The following FAM151B variants were observed in gnomAD, a reference collection of about 807,000 sequenced individuals.
FAM151B encodes protein FAM151B.
A neutral mutation model predicts 31.2 loss-of-function variants in FAM151B; 24 were observed. The ratio of observed to expected loss-of-function variants is 0.77; its 90% CI spans 0.56 to 1.08. FAM151B has a LOEUF of 1.08. Among genes scored for constraint, FAM151B ranks in the 50% least tolerant of loss-of-function variants. The probability of loss-of-function intolerance (pLI) is 0.00; values close to 1 mark genes in which losing one functional copy is unlikely to be tolerated. For missense variants in FAM151B, 293 were observed against 328.6 expected (o/e 0.89, Z 0.84); for synonymous variants, 105 against 111.4 (o/e 0.94, Z 0.36).
chr5:80,514,962 G>A (rs964303827), intron 3 of FAM151B, among the ~76,000 whole-genome samples: 2 of 151,644 alleles, frequency 1.3e-5, no homozygotes, highest in East Asian at 1.9e-4. Context: ...TTTTTCGACC[G>A]GGCACGGTGG....
chr5:80,538,892 C>T (rs1017551413), intron 5 of FAM151B, among the ~76,000 whole-genome samples: 2 of 152,000 alleles, frequency 1.3e-5, no homozygotes, highest in Non-Finnish European at 2.9e-5. Context: ...GCCACCGTGT[C>T]TGGTCCCCCT....
intron 1 of FAM151B, chr5:80,500,830 G>A (rs1022504152): frequency 6.4e-5 from 88 of 1,381,734 alleles, no homozygotes; most frequent in Non-Finnish European, 8.5e-5. Flanking sequence ...GAAGCGAATT[G>A]CTTTAACAGA....
Position 80,513,585 on chromosome 5 carries a change from A to T in FAM151B, c.152-19A>T. On this transcript the variant is annotated intron_variant, in intron 2 of 5. Transcript: ENST00000282226. ...GCCCTGTTTTCTTAGCATTAACTGAAGTTCTTTTATTTGGACAGGTACTGC... is the reference window on the plus strand; with the variant it reads ...GCCCTGTTTTCTTAGCATTAACTGATGTTCTTTTATTTGGACAGGTACTGC... 6.2e-7 allele frequency: 1 copy of T among 1,602,242 alleles called. No homozygotes were observed. Among genetic ancestry groups the T allele is most frequent in the Non-Finnish European group, 8.5e-7 (1 of 1,176,342 alleles).
intron 3 of FAM151B, among the ~76,000 whole-genome samples, chr5:80,515,071 C>G (rs1744363804): frequency 6.6e-6 from 1 of 152,018 alleles, no homozygotes; most frequent in African/African-American, 2.4e-5. Context: ...GAAACCCCTT[C>G]TCTACTAAAA....
intron 2 of FAM151B, among the ~76,000 whole-genome samples, chr5:80,503,811 A>G (rs1032730468): frequency 1.3e-5 from 2 of 152,122 alleles, no homozygotes; most frequent in African/African-American, 2.4e-5. Context: ...CATGGTCACA[A>G]GCTGGAGCTC....
At chr5:80,495,830 C>CAAAAAA in intron 1 of FAM151B, among the ~76,000 whole-genome samples, 1 of 88,154 alleles carries the variant, frequency 1.1e-5, no homozygotes, top group African/African-American at 4.7e-5. Context: ...GACTCCGTCT[C>CAAAAAA]AAAAAAAAAA....
chr5:80,523,939 T>A (rs1351262969), intron 5 of FAM151B, among the ~76,000 whole-genome samples: 1 of 152,172 alleles, frequency 6.6e-6, no homozygotes, highest in Non-Finnish European at 1.5e-5. Flanking sequence ...CTATTTGACA[T>A]TCTCTTTTTG....
At chr5:80,538,919 G>A (rs1464567498) in intron 5 of FAM151B, among the ~76,000 whole-genome samples, 3 of 151,288 alleles carry the variant, frequency 2.0e-5, no homozygotes, top group African/African-American at 7.3e-5. Flanking sequence ...TAAAACAAAA[G>A]ATGTTATGGT....
rs376011964 is a variant in FAM151B, at chr5:80,501,763, C to G, written c.26-29C>G. 9.1e-6 allele frequency: 14 copies of G among 1,538,856 alleles called. No homozygotes were observed. In the African/African-American group the frequency reaches 1.8e-4, roughly 20 times the overall value. On this transcript the variant is annotated intron_variant, in intron 1 of 5. Coordinates refer to ENST00000282226, the MANE Select transcript of FAM151B (RefSeq NM_205548.3). ...AATTTTACCCTATAAAAAACAATATCACTTTTCATGTAAACACTGTTATTT... is the reference window on the plus strand; with the variant it reads ...AATTTTACCCTATAAAAAACAATATGACTTTTCATGTAAACACTGTTATTT...
intron 2 of FAM151B, among the ~76,000 whole-genome samples, chr5:80,509,028 C>T (rs573015970): frequency 5.6e-4 from 85 of 152,244 alleles, no homozygotes; most frequent in African/African-American, 2.0e-3. Flanking sequence ...GGCCGTAGTG[C>T]AGTGACGCAA....
chr5:80,534,852 G>GA (rs1200499407), intron 5 of FAM151B, among the ~76,000 whole-genome samples: 2 of 151,988 alleles, frequency 1.3e-5, no homozygotes, highest in Non-Finnish European at 2.9e-5. Context: ...CTTATATTTG[G>GA]AAAAACCTAA....
At chr5:80,534,561 T>C (rs539423614) in intron 5 of FAM151B, among the ~76,000 whole-genome samples, 2 of 152,298 alleles carry the variant, frequency 1.3e-5, no homozygotes, top group South Asian at 2.1e-4. Flanking sequence ...CAACATCCCT[T>C]CGTGATAAAA....
chr5:80,491,863 T>G (rs1437106039), intron 1 of FAM151B, among the ~76,000 whole-genome samples: 1 of 152,240 alleles, frequency 6.6e-6, no homozygotes, highest in Non-Finnish European at 1.5e-5. Context: ...TCTTTATCCA[T>G]TTACCCGCTG....
intron 5 of FAM151B, among the ~76,000 whole-genome samples, chr5:80,541,359 T>C (rs151266728): frequency 1.6e-4 from 25 of 152,296 alleles, no homozygotes; most frequent in African/African-American, 6.0e-4. Flanking sequence ...AGCAACATAG[T>C]CTCTTCGATT....
At position 80,513,714 on chromosome 5, in the gene FAM151B, G is replaced by C. The variant is rs773404363; in HGVS notation, c.262G>C (p.Glu88Gln). Reference protein sequence around the residue: ...PETNSDNTLQEWLTEVMKSNK... With the variant: ...PETNSDNTLQQWLTEVMKSNK... ...AACAAACAGTGATAATACTCTACAGGAGTGGCTGACTGAAGTTATGAAAAG... is the reference window on the plus strand; with the variant it reads ...AACAAACAGTGATAATACTCTACAGCAGTGGCTGACTGAAGTTATGAAAAG... The change falls in exon 3 of 6, where the codon GAG becomes CAG. Residue 88 changes from glutamate (E) to glutamine (Q), a missense_variant. Physicochemically the swap from Glu to Gln is conservative, Grantham distance 29 (BLOSUM62 2). Transcript: ENST00000282226. 6.2e-7 allele frequency: 1 copy of C among 1,613,862 alleles called. No individual in the cohort carries two copies. Among genetic ancestry groups the C allele is most frequent in the Non-Finnish European group, 8.5e-7 (1 of 1,180,002 alleles).
At chr5:80,512,761 C>T (rs1266220877) in intron 2 of FAM151B, among the ~76,000 whole-genome samples, 3 of 132,776 alleles carry the variant, frequency 2.3e-5, no homozygotes, top group Admixed American at 1.6e-4. Flanking sequence ...GCCTGGATGA[C>T]AGGGTAAGAC....
intron 5 of FAM151B, among the ~76,000 whole-genome samples, chr5:80,524,099 G>A (rs249213): frequency 0.78 from 118,427 of 152,008 alleles, 46,343 homozygotes; most frequent in African/African-American, 0.83. Flanking sequence ...AAAATTTTCA[G>A]TTCTCATGGA....
At chr5:80,510,891 T>C (rs1744153269) in intron 2 of FAM151B, 1 of 152,214 alleles carries the variant, frequency 6.6e-6, no homozygotes, top group African/African-American at 2.4e-5. Flanking sequence ...GAGAAATTAC[T>C]GACTGGTTTG....
intron 2 of FAM151B, among the ~76,000 whole-genome samples, chr5:80,508,321 A>G (rs529845608): frequency 1.3e-5 from 2 of 152,210 alleles, no homozygotes; most frequent in African/African-American, 2.4e-5. Context: ...CATGGTAACT[A>G]TATGTTTAAC....
Sources: allele counts gnomAD v4.1 joint callset (sites outside exome capture counted in the v4.1 genomes callset), GRCh38; gene constraint gnomAD v4.1.1; transcripts MANE v1.5; gene names NCBI Gene and HGNC (gene_info 2026-07-23, HGNC 2026-07-21).